Variants in ZSWIM4 observed in about 807,000 individuals in gnomAD.
ZSWIM4 encodes zinc finger SWIM domain-containing protein 4.
Under a neutral mutation model 102.5 loss-of-function variants are expected in ZSWIM4, and 62 were observed. The observed-to-expected ratio is 0.60, with a 90% CI of 0.49 to 0.75. The LOEUF (loss-of-function observed/expected upper bound fraction) is 0.75, where lower values mean the gene tolerates loss of function less well. Among genes scored for constraint, ZSWIM4 ranks in the 30% least tolerant of loss-of-function variants. The probability of loss-of-function intolerance (pLI) is 0.00; values close to 1 mark genes in which losing one functional copy is unlikely to be tolerated. For synonymous variants in ZSWIM4, 652 were observed against 674.5 expected, an observed-to-expected ratio of 0.97 and a Z score of 0.52; for missense variants, 1,280 against 1,529.6, an observed-to-expected ratio of 0.84 and a Z score of 2.72.
chr19:13,825,793 T>C lies in ZSWIM4; in HGVS notation c.2379+80T>C. ...ACTGTGAGCTGCGCCTCCCGGGGCA[T>C]GGGCTGAGTGTGAGCCACTTCGCTG... On this transcript the variant is annotated intron_variant, in intron 12 of 13. Transcript: ENST00000590508. This position sits in a 1 kb window ranked among gnomAD's most constrained non-coding sequence, Gnocchi z 4.6. 6.7e-7 allele frequency: 1 copy of C among 1,498,206 alleles called. No individual in the cohort carries two copies. Among genetic ancestry groups the C allele is most frequent in the Non-Finnish European group, 8.9e-7 (1 of 1,124,216 alleles). The allele number at this position is 1,498,206 out of a possible 1,614,324, so 92.8% of individuals were successfully genotyped here. A position where few individuals can be genotyped will look rare whatever the true frequency, so the allele number is the denominator to read the frequency against.
In ZSWIM4 at chr19:13,809,152, G is replaced by T; in HGVS notation, c.944G>T (p.Arg315Leu). Residue 315 changes from arginine to leucine, a missense_variant, in exon 5 of 14, where the codon CGC (arginine) becomes CTC (leucine). By Grantham distance (102) the Arg-to-Leu change is moderately radical. Transcript: ENST00000590508. The surrounding 1 kb of genome is among the most constrained non-coding windows in gnomAD (Gnocchi z 4.2). ...ACCGAGCAGTTCCTGCAGGACACGC[G>T]CCTGGCCCTGTGGCGGCAGCAGGGC... ...LMTEQFLQDT[R>L]LALWRQQGAG... The T allele has an allele frequency of 6.2e-7, 1 of 1,613,594 alleles. No individual in the cohort carries two copies. The highest frequency in any genetic ancestry group is 8.5e-7 in the Non-Finnish European group (1 of 1,179,726).
At chr19:13,819,816 C>A (rs971332560) in intron 10 of ZSWIM4, among the ~76,000 whole-genome samples, 2 of 150,200 alleles carry the variant, frequency 1.3e-5, no homozygotes, top group Admixed American at 1.3e-4. Flanking sequence ...TACAGGCATG[C>A]ACCACCATGC....
chr19:13,817,491 C>G (rs2145338446), intron 8 of ZSWIM4, 138 bp downstream of exon 8: 2 of 1,229,656 alleles, frequency 1.6e-6, no homozygotes, highest in Non-Finnish European at 2.3e-6. Context: ...CCTCCTCTGG[C>G]CAGTGCCCAG....
chr19:13,799,589 A>G, intron 1 of ZSWIM4, 131 bp from the exon 2 acceptor site: 1 of 882,198 alleles, frequency 1.1e-6, no homozygotes, highest in Non-Finnish European at 1.8e-6. Flanking sequence ...TTTTTTGTAA[A>G]GATGGGAGCC....
In ZSWIM4 at chr19:13,831,073, T is replaced by G; in HGVS notation, c.*23T>G. 3 of 1,543,548 alleles carry G rather than the reference T, an allele frequency of 1.9e-6. No individual in the cohort carries two copies. The highest frequency in any genetic ancestry group is 2.6e-6 in the Non-Finnish European group (3 of 1,149,770). On this transcript the variant is annotated 3_prime_UTR_variant, in exon 14 of 14. Coordinates refer to ENST00000590508, the MANE Select transcript of ZSWIM4 (RefSeq NM_001367834.3). ...TGAGGGACAGTGGGGTGCGTGGGAG[T>G]GGGGATCCCCCTCGCCCCTGCGTCC...
chr19:13,804,724 T>G, intron 2 of ZSWIM4, 68 bp from the exon 3 acceptor site: 1 of 1,342,292 alleles, frequency 7.4e-7, no homozygotes, highest in Non-Finnish European at 1.0e-6. Context: ...AACCGGGTCT[T>G]GCTGTGTACC....
intron 12 of ZSWIM4, among the ~76,000 whole-genome samples, chr19:13,827,588 CAAAAAAAAAA>C (rs35504300): frequency 1.4e-5 from 1 of 72,518 alleles, no homozygotes. Context: ...GTGAGACCCT[CAAAAAAAAAA>C]AAAAAAAAAG....
At chr19:13,826,544 A>G (rs1043492186) in intron 12 of ZSWIM4, among the ~76,000 whole-genome samples, 1 of 152,026 alleles carries the variant, frequency 6.6e-6, no homozygotes. Context: ...AGGGGGGCAG[A>G]TCACGAGGCC....
In ZSWIM4 at chr19:13,831,166, C is replaced by T. The variant is rs769338042; in HGVS notation, c.*116C>T. 19 of 1,366,568 alleles carry T rather than the reference C, an allele frequency of 1.4e-5. No individual in the cohort carries two copies. The highest frequency in any genetic ancestry group is 1.9e-5 in the Non-Finnish European group (19 of 1,022,130). The allele number at this position is 1,366,568 out of a possible 1,614,324, so 84.7% of individuals were successfully genotyped here. On this transcript the variant is annotated 3_prime_UTR_variant, in exon 14 of 14. Transcript: ENST00000590508. ...TTATTAAGTCAGGGAAGGAGCCCGGCTGGAGATGGGGGCAGGGGGAGCAGC... is the reference window on the plus strand; with the variant it reads ...TTATTAAGTCAGGGAAGGAGCCCGGTTGGAGATGGGGGCAGGGGGAGCAGC...
At chr19:13,819,951 G>T (rs1296924989) in intron 10 of ZSWIM4, among the ~76,000 whole-genome samples, 3 of 151,890 alleles carry the variant, frequency 2.0e-5, no homozygotes, top group Non-Finnish European at 2.9e-5. Flanking sequence ...CGCCTTCCAG[G>T]TTCACACCAT....
At chr19:13,802,674 G>A (rs1485747570) in intron 2 of ZSWIM4, among the ~76,000 whole-genome samples, 1 of 151,974 alleles carries the variant, frequency 6.6e-6, no homozygotes, top group African/African-American at 2.4e-5. Flanking sequence ...AAACATCTGA[G>A]CTCAAGTGAT....
intron 10 of ZSWIM4, among the ~76,000 whole-genome samples, chr19:13,822,823 T>C (rs1184168178): frequency 6.6e-6 from 1 of 151,872 alleles, no homozygotes; most frequent in Non-Finnish European, 1.5e-5. Flanking sequence ...CTACTAAAAA[T>C]ACAAAATTAG....
Position 13,814,679 on chromosome 19 carries a change from C to T in ZSWIM4, c.1345C>T (p.Pro449Ser). ...CACAGGCAGCGTGGGTGGGGACAAA[C>T]CGACTTTCGACCCCCAGGGCCGCCC... ...SLTGSVGGDK[P>S]TFDPQGRPLW... Residue 449 changes from proline to serine, a missense_variant, in exon 7 of 14, where the codon CCG becomes TCG. Pro to Ser is a moderately conservative substitution (Grantham distance 74). Coordinates refer to ENST00000590508, the MANE Select transcript of ZSWIM4 (RefSeq NM_001367834.3). 1 of 1,282,584 alleles carries T rather than the reference C, an allele frequency of 7.8e-7. No individual in the cohort carries two copies. The highest frequency in any genetic ancestry group is 1.0e-6 in the Non-Finnish European group (1 of 984,154). 79.5% of individuals were successfully genotyped at this position (1,282,584 alleles called of 1,614,324 possible). A position where few individuals can be genotyped will look rare whatever the true frequency, so the allele number is the denominator to read the frequency against.
chr19:13,799,595 G>C, intron 1 of ZSWIM4, 125 bp from the exon 2 acceptor site: 1 of 917,084 alleles, frequency 1.1e-6, no homozygotes, highest in Non-Finnish European at 1.7e-6. Context: ...GTAAAGATGG[G>C]AGCCTCTCTA....
intron 10 of ZSWIM4, among the ~76,000 whole-genome samples, chr19:13,821,828 C>T (rs1975471406): frequency 1.3e-5 from 2 of 152,080 alleles, no homozygotes; most frequent in Non-Finnish European, 2.9e-5. Context: ...TCCAAACCTC[C>T]CGGGTTCAAG....
At position 13,805,156 on chromosome 19, in the gene ZSWIM4, C is replaced by T. The variant is rs1974884937; in HGVS notation, c.712+8C>T. 1 of 1,592,928 alleles carries T rather than the reference C, an allele frequency of 6.3e-7. No homozygotes were observed. The highest frequency in any genetic ancestry group is 1.3e-5 in the African/African-American group (1 of 74,800). On this transcript the variant is annotated splice_region_variant and intron_variant, in intron 3 of 13. Coordinates refer to ENST00000590508, the MANE Select transcript of ZSWIM4 (RefSeq NM_001367834.3). ...AGATCAACTTGGTGAATGGTAAGGG[C>T]ACCCCGGGGGTCCGGTGGGGAGAGG...
chr19:13,816,409 A>C (rs1975289714), intron 7 of ZSWIM4, among the ~76,000 whole-genome samples: 1 of 152,130 alleles, frequency 6.6e-6, no homozygotes. Context: ...GGAGTGCCTG[A>C]GGTCAGGAGT....
chr19:13,799,940 C>A lies in ZSWIM4; in HGVS notation c.355+19C>A, dbSNP rs532248311. 6.2e-7 allele frequency: 1 copy of A among 1,602,284 alleles called. No homozygotes were observed. The highest frequency in any genetic ancestry group is 1.1e-5 in the South Asian group (1 of 90,646). ...CAAGTGGGTGAGTCTTTGTCCCCCA[C>A]TCCTGCTGGGGAGGCCAGGAGGTCC... is the stretch of plus-strand genomic sequence containing the variant. On this transcript the variant is annotated intron_variant, in intron 2 of 13. Coordinates refer to ENST00000590508, the MANE Select transcript of ZSWIM4 (RefSeq NM_001367834.3).
At chr19:13,827,384 T>C in intron 12 of ZSWIM4, among the ~76,000 whole-genome samples, 1 of 151,656 alleles carries the variant, frequency 6.6e-6, no homozygotes, top group Non-Finnish European at 1.5e-5. Flanking sequence ...GCGGATCGCT[T>C]GAGGCCAGGA....
Sources: gnomAD v4.1 joint callset for allele counts (sites outside exome capture counted in the v4.1 genomes callset) on GRCh38, gnomAD v4.1.1 for gene constraint, Gnocchi (gnomAD v3.1) non-coding constraint, MANE v1.5 for transcripts, NCBI Gene and HGNC (gene_info 2026-07-23, HGNC 2026-07-21) for gene names.